CD36: variants seen among roughly 807,000 people sequenced by gnomAD.
CD36 encodes the protein platelet glycoprotein 4.
A neutral mutation model predicts 55.2 loss-of-function variants in CD36; 119 were observed. The observed-to-expected ratio is 2.15, with a 90% CI of 1.86 to 2.51. The LOEUF (loss-of-function observed/expected upper bound fraction) is 2.51, where lower values mean the gene tolerates loss of function less well. Among genes scored for constraint, CD36 ranks in the 30% most tolerant of loss-of-function variants. The pLI is 0.00. For missense variants in CD36, 819 were observed against 555.5 expected (o/e 1.47, Z -4.77); for synonymous variants, 186 against 193.6 (o/e 0.96, Z 0.33).
chr7:80,647,620 G>T (rs150394150), intron 3 of CD36, among the ~76,000 whole-genome samples: 88 of 152,230 alleles, frequency 5.8e-4, no homozygotes, highest in African/African-American at 2.1e-3. Context: ...GGGAAGAAGA[G>T]AATAAAGGGA....
chr7:80,624,067 T>A (rs2151916), intron 1 of CD36: 1 of 151,942 alleles, frequency 6.6e-6, no homozygotes, highest in African/African-American at 2.4e-5. Flanking sequence ...CAGCAGTGAT[T>A]TGACCCAGCA....
chr7:80,644,035 C>T (rs1463118975), intron 1 of CD36, among the ~76,000 whole-genome samples: 1 of 152,058 alleles, frequency 6.6e-6, no homozygotes, highest in Non-Finnish European at 1.5e-5. Flanking sequence ...CTCTAGTTGG[C>T]GATTACTGTG....
upstream of CD36, among the ~76,000 whole-genome samples, chr7:80,634,336 A>G (rs1284262406): frequency 2.0e-5 from 3 of 152,092 alleles, no homozygotes; most frequent in East Asian, 1.9e-4. Context: ...TAGAATTACA[A>G]TGCAAGTTAT....
intron 1 of CD36, among the ~76,000 whole-genome samples, chr7:80,640,197 T>C (rs1174506123): frequency 6.6e-6 from 1 of 151,990 alleles, no homozygotes; most frequent in Non-Finnish European, 1.5e-5. Flanking sequence ...AGTAGCATTG[T>C]TCTAAACTAG....
At chr7:80,614,350 T>G (rs999955753) in intron 1 of CD36, among the ~76,000 whole-genome samples, 1 of 152,172 alleles carries the variant, frequency 6.6e-6, no homozygotes, top group Admixed American at 6.6e-5. Context: ...TTTCACTCTT[T>G]ATCCTACATT....
intron 2 of CD36, 154 bp from the exon 3 acceptor site, chr7:80,646,498 C>T (rs767982892): frequency 8.3e-5 from 41 of 496,884 alleles, no homozygotes; most frequent in Non-Finnish European, 1.2e-4. Context: ...AAAAGGGAGA[C>T]GGACCGAGGA....
intron 1 of CD36, among the ~76,000 whole-genome samples, chr7:80,611,897 C>A (rs556137493): frequency 1.3e-5 from 2 of 152,078 alleles, no homozygotes; most frequent in Non-Finnish European, 2.9e-5. Flanking sequence ...TGTTGATAAT[C>A]GTTTTGGGTT....
chr7:80,668,165 G>A (rs1048046448), intron 8 of CD36, among the ~76,000 whole-genome samples: 8 of 152,000 alleles, frequency 5.3e-5, no homozygotes, highest in African/African-American at 1.5e-4. Context: ...TTGTATAAGC[G>A]GAATACTTAG....
intron 3 of CD36, among the ~76,000 whole-genome samples, chr7:80,656,232 T>G (rs1376416714): frequency 6.6e-6 from 1 of 152,208 alleles, no homozygotes; most frequent in Non-Finnish European, 1.5e-5. Flanking sequence ...TGTTGACTGT[T>G]GCAATATTTT....
rs748431584 is a variant in CD36 at position 80,664,458 on chromosome 7, T to TAAGTA, written c.667_671dup (p.Ala225LysfsTer4). On this transcript the variant is annotated frameshift_variant, in exon 7 of 15. Coordinates refer to ENST00000447544, the MANE Select transcript of CD36 (RefSeq NM_001001548.3). LOFTEE classifies it high-confidence loss of function. ...AAAGTTTTCAATGGAAAAGATAACATAAGTAAAGTTGCCATAATCGACACA... is the reference window on the plus strand; with the variant it reads ...AAAGTTTTCAATGGAAAAGATAACATAAGTAAAGTAAAGTTGCCATAATCGACACA... The TAAGTA allele has an allele frequency of 6.3e-7, 1 of 1,583,584 alleles. No individual in the cohort carries two copies. The highest frequency in any genetic ancestry group is 8.7e-7 in the Non-Finnish European group (1 of 1,152,564).
chr7:80,644,385 C>T (rs1220186722), intron 1 of CD36, among the ~76,000 whole-genome samples: 1 of 151,118 alleles, frequency 6.6e-6, no homozygotes. Context: ...ACTAGTCAGT[C>T]TTCTTAATCA....
At chr7:80,626,279 A>T (rs754876504) in intron 1 of CD36, 1 of 152,108 alleles carries the variant, frequency 6.6e-6, no homozygotes, top group South Asian at 2.1e-4. Flanking sequence ...TATTTATATT[A>T]TTTACACTAT....
In CD36 at chr7:80,607,622, T is replaced by C. The variant is rs7782100; in HGVS notation, c.-184+5243T>C. Among the ~76,000 whole-genome samples the C allele has an allele frequency of 1.7e-3, 255 of 152,280 alleles. 2 individuals carry two copies. The highest frequency in any genetic ancestry group is 5.9e-3 in the African/African-American group (245 of 41,556). Reference sequence around the variant, plus strand: ...CCCACTTTCTAAGTGATATTATCAATTTTCATGACTTCACCTGTAATCTGA... The same window carrying C: ...CCCACTTTCTAAGTGATATTATCAACTTTCATGACTTCACCTGTAATCTGA... On this transcript the variant is annotated intron_variant, in intron 1 of 13. Coordinates refer to the CD36 transcript ENST00000309881.
At chr7:80,662,882 A>G (rs1240611279) in intron 5 of CD36, 108 bp from the exon 6 acceptor site, 1 of 874,448 alleles carries the variant, frequency 1.1e-6, no homozygotes, top group South Asian at 1.5e-5. Flanking sequence ...AATTTTAAAG[A>G]TAAGCTTTAA....
intron 7 of CD36, among the ~76,000 whole-genome samples, chr7:80,664,993 A>T (rs1027689055): frequency 6.6e-6 from 1 of 152,120 alleles, no homozygotes; most frequent in Middle Eastern, 3.2e-3. Flanking sequence ...TAATGAATCC[A>T]GGCAACTGCT....
chr7:80,632,591 C>T (rs993643612), intron 1 of CD36, among the ~76,000 whole-genome samples: 3 of 151,848 alleles, frequency 2.0e-5, no homozygotes, highest in Non-Finnish European at 4.4e-5. Flanking sequence ...TTAAATGGAA[C>T]AAAAAATCAT....
At chr7:80,663,204 T>TTTTAA (rs1796703987) in intron 6 of CD36, 35 bp downstream of exon 6, 1 of 1,534,860 alleles carries the variant, frequency 6.5e-7, no homozygotes, top group Non-Finnish European at 9.0e-7. Context: ...TATTATTACA[T>TTTTAA]TTTAATTTAA....
Position 80,671,160 on chromosome 7 carries a change from A to G in CD36, c.1002A>G (p.Lys334=). The change falls in exon 10 of 15, where the codon AAA becomes AAG. Residue 334 remains lysine (K), a synonymous_variant. Coordinates refer to ENST00000447544, the MANE Select transcript of CD36 (RefSeq NM_001001548.3). Reference sequence around the variant, plus strand: ...GTGTGCTAGACATCAGCAAATGCAAAGAAGGTGAGTAAATAACCTCAGTAG... The same window carrying G: ...GTGTGCTAGACATCAGCAAATGCAAGGAAGGTGAGTAAATAACCTCAGTAG... ...SYGVLDISKC[K]EGRPVYISLP... 1 of 1,603,148 alleles carries G rather than the reference A, an allele frequency of 6.2e-7. No homozygotes were observed. The highest frequency in any genetic ancestry group is 1.1e-5 in the South Asian group (1 of 90,800).
intron 3 of CD36, among the ~76,000 whole-genome samples, chr7:80,651,297 T>C (rs1395001173): frequency 2.0e-5 from 3 of 152,072 alleles, no homozygotes; most frequent in Admixed American, 6.6e-5. Flanking sequence ...CTATGCTTAT[T>C]ACCTGCGTGA....
Sources: gnomAD v4.1 joint callset for allele counts (sites outside exome capture counted in the v4.1 genomes callset) on GRCh38, gnomAD v4.1.1 for gene constraint, MANE v1.5 for transcripts, NCBI Gene and HGNC (gene_info 2026-07-23, HGNC 2026-07-21) for gene names.